The following GPHN variants were observed in gnomAD, a reference collection of about 807,000 sequenced individuals.
The protein encoded by GPHN is gephyrin.
A neutral mutation model predicts 95.5 loss-of-function variants in GPHN; 17 were observed. That is an observed-to-expected ratio of 0.18 (90% CI 0.12 to 0.27). GPHN has a LOEUF of 0.27. Among genes scored for constraint, GPHN ranks in the 10% least tolerant of loss-of-function variants. The pLI is 1.00. For synonymous variants in GPHN, 320 were observed against 322.5 expected (o/e 0.99, Z 0.08); for missense variants, 660 against 978.1 (o/e 0.67, Z 4.34).
the GPHN span, among the ~76,000 whole-genome samples, chr14:67,378,990 G>A: frequency 7.9e-5 from 12 of 151,856 alleles, no homozygotes; most frequent in Non-Finnish European, 1.6e-4. Context: ...TTTGTAGCTT[G>A]CATTTTTACA....
chr14:67,138,916 T>TA (rs758989172), intron 17 of GPHN, among the ~76,000 whole-genome samples: 4 of 118,876 alleles, frequency 3.4e-5, no homozygotes, highest in African/African-American at 7.4e-5. Flanking sequence ...TTTTTTTTTT[T>TA]AAATTATTAA....
the GPHN span, chr14:67,651,066 C>T: frequency 9.4e-6 from 10 of 1,060,892 alleles, no homozygotes; most frequent in Middle Eastern, 2.2e-4. Context: ...AGTTTCCCCT[C>T]TATTTTGGTG....
intron 17 of GPHN, among the ~76,000 whole-genome samples, chr14:67,137,554 A>C (rs1350149991): frequency 6.6e-6 from 1 of 152,140 alleles, no homozygotes; most frequent in African/African-American, 2.4e-5. Context: ...TCTTGAGCCC[A>C]GGAGTTCAAG....
chr14:67,655,054 T>C, the GPHN span, among the ~76,000 whole-genome samples: 13 of 82,306 alleles, frequency 1.6e-4, no homozygotes, highest in Admixed American at 1.6e-3. Context: ...AAAAAAAAAA[T>C]TCCAGCTGGG....
chr14:66,540,198 C>G (rs2059307277), intron 1 of GPHN, among the ~76,000 whole-genome samples: 1 of 152,186 alleles, frequency 6.6e-6, no homozygotes. Flanking sequence ...TAGAGAACAA[C>G]TTCTATTTGG....
At chr14:67,579,118 T>TATTC in the GPHN span, 2 of 1,310,382 alleles carry the variant, frequency 1.5e-6, no homozygotes, top group Non-Finnish European at 2.1e-6. Flanking sequence ...AATACTCCCC[T>TATTC]CTTCCGTCTT....
intron 17 of GPHN, among the ~76,000 whole-genome samples, chr14:67,127,551 T>G (rs1268406882): frequency 6.6e-6 from 1 of 152,176 alleles, no homozygotes; most frequent in East Asian, 1.9e-4. Context: ...AAATGTTGAT[T>G]ATACTTTAAC....
the GPHN span, among the ~76,000 whole-genome samples, chr14:67,681,504 C>T: frequency 2.6e-4 from 39 of 152,194 alleles, no homozygotes; most frequent in African/African-American, 8.9e-4. Context: ...AGTTCAAGGC[C>T]GGGTGTGGTG....
intron 1 of GPHN, among the ~76,000 whole-genome samples, chr14:66,530,689 A>G (rs1328420452): frequency 6.6e-6 from 1 of 152,114 alleles, no homozygotes; most frequent in African/African-American, 2.4e-5. Context: ...ACAGTCCCTC[A>G]GGGCTTCCCT....
intron 1 of GPHN, among the ~76,000 whole-genome samples, chr14:66,676,993 A>G (rs963922575): frequency 6.6e-5 from 10 of 151,866 alleles, no homozygotes; most frequent in Non-Finnish European, 1.2e-4. Context: ...CAGGTTTTCT[A>G]TTTCTTCCTG....
At chr14:67,695,245 T>G in the GPHN span, among the ~76,000 whole-genome samples, 1 of 152,120 alleles carries the variant, frequency 6.6e-6, no homozygotes. Context: ...CCTTTGTACC[T>G]CGAAGGCTGG....
the GPHN span, among the ~76,000 whole-genome samples, chr14:67,332,623 T>C: frequency 3.3e-5 from 5 of 152,286 alleles, no homozygotes; most frequent in Admixed American, 1.3e-4. Context: ...AAGGTAACCA[T>C]TGTGGCCGTG....
At chr14:66,628,795 C>T (rs977255659) in intron 1 of GPHN, among the ~76,000 whole-genome samples, 1 of 151,748 alleles carries the variant, frequency 6.6e-6, no homozygotes, top group East Asian at 1.9e-4. Context: ...GCATGTGGCT[C>T]ACAGCTGCAA....
Position 67,127,339 on chromosome 14 carries a change from TGG to T in GPHN, c.1748+4964_1748+4965del, listed in dbSNP as rs1491407769. Among the ~76,000 whole-genome samples the T allele has an allele frequency of 1.5e-3, 182 of 124,248 alleles. 2 individuals carry two copies. The highest frequency in any genetic ancestry group is 6.9e-3 in the Admixed American group (86 of 12,412). 81.5% of individuals were successfully genotyped at this position (124,248 alleles called of 152,430 possible). A position where few individuals can be genotyped will look rare whatever the true frequency, so the allele number is the denominator to read the frequency against. ...AAGTTTGGGTATTTTTTGGTTTGTT[TGG>T]GTTTTTGTTTTTGTTTTTGTTTTGC... On this transcript the variant is annotated intron_variant, in intron 17 of 22. Coordinates refer to ENST00000478722, the MANE Select transcript of GPHN (RefSeq NM_020806.5).
the GPHN span, chr14:67,586,195 C>A: frequency 7.3e-7 from 1 of 1,373,364 alleles, no homozygotes; most frequent in Non-Finnish European, 1.0e-6. Context: ...TCTGCAAGGG[C>A]CCTGCCCAGA....
chr14:67,270,851 T>C, the GPHN span: 2 of 111,836 alleles, frequency 1.8e-5, no homozygotes, highest in African/African-American at 1.1e-4. Context: ...GGTGAAGTAA[T>C]TATTTAACAG....
chr14:67,401,299 C>T, the GPHN span, among the ~76,000 whole-genome samples: 2 of 151,984 alleles, frequency 1.3e-5, no homozygotes, highest in Non-Finnish European at 2.9e-5. Context: ...CCAGCCTCAG[C>T]AACATAGGAA....
the GPHN span, among the ~76,000 whole-genome samples, chr14:67,708,363 T>G: frequency 1.3e-5 from 2 of 152,122 alleles, no homozygotes; most frequent in African/African-American, 4.8e-5. Context: ...CCTGAAAGTT[T>G]TTTCCTCTAT....
At chr14:66,889,184 G>A (rs941822463) in intron 5 of GPHN, among the ~76,000 whole-genome samples, 23 of 151,988 alleles carry the variant, frequency 1.5e-4, no homozygotes, top group Non-Finnish European at 3.2e-4. Context: ...ATAATGGATA[G>A]AACAGCCACA....
Sources: allele counts gnomAD v4.1 joint callset (sites outside exome capture counted in the v4.1 genomes callset), GRCh38; gene constraint gnomAD v4.1.1; transcripts MANE v1.5; gene names NCBI Gene and HGNC (gene_info 2026-07-23, HGNC 2026-07-21).